Variants in MID1 observed in about 807,000 individuals in gnomAD.
MID1 encodes the protein E3 ubiquitin-protein ligase Midline-1.
In MID1, 7 loss-of-function variants were observed where a neutral mutation model predicts 40.4. The observed-to-expected ratio is 0.17, with a 90% confidence interval of 0.10 to 0.33. MID1 has a LOEUF of 0.33. Among genes scored for constraint, MID1 ranks in the 10% least tolerant of loss-of-function variants. MID1 has a pLI of 1.00. For missense variants in MID1, 367 were observed against 558.5 expected (o/e 0.66, Z 3.46); for synonymous variants, 229 against 221.2 (o/e 1.04, Z -0.31).
intron 1 of MID1, among the ~76,000 whole-genome samples, chrX:10,793,838 CTA>C (rs1205843241): frequency 8.9e-6 from 1 of 112,149 alleles, no homozygotes; most frequent in African/African-American, 3.2e-5. Flanking sequence ...CTGTCCTTGT[CTA>C]CTGTTCTAAA....
At chrX:10,805,050 T>TG (rs1555926063) in intron 1 of MID1, among the ~76,000 whole-genome samples, 8 of 110,576 alleles carry the variant, frequency 7.2e-5, no homozygotes, top group Non-Finnish European at 1.1e-4. Flanking sequence ...GTAGTTTTTT[T>TG]TTGTTGTTGT....
At chrX:10,713,204 C>T (rs2147090367) in intron 1 of MID1, among the ~76,000 whole-genome samples, 1 of 112,058 alleles carries the variant, frequency 8.9e-6, no homozygotes. Context: ...CCACGCCCGG[C>T]CTAGTTCACT....
chrX:10,465,133 G>A (rs896335670), intron 7 of MID1, among the ~76,000 whole-genome samples: 1 of 101,897 alleles, frequency 9.8e-6, no homozygotes, highest in African/African-American at 3.6e-5. Flanking sequence ...GTAGTGAGCC[G>A]AGATCATGAC....
intron 1 of MID1, among the ~76,000 whole-genome samples, chrX:10,728,943 T>C (rs759040586): frequency 8.9e-6 from 1 of 111,947 alleles, no homozygotes; most frequent in Non-Finnish European, 1.9e-5. Flanking sequence ...AATTCAGCAA[T>C]AACTGGGCTA....
chrX:10,819,076 T>C lies in MID1; in HGVS notation c.-187+14478A>G, dbSNP rs185351725. ...GCTGGGATGGGAAGCAACACATATA[T>C]ACATTGATTTTATTTTGGTTTATTT... On this transcript the variant is annotated intron_variant, in intron 1 of 10. Transcript: ENST00000380785. Among the ~76,000 whole-genome samples, 3 of 111,816 alleles carry C rather than the reference T, an allele frequency of 2.7e-5. No individual in the cohort carries two copies. In the East Asian group the frequency reaches 8.5e-4, roughly 32 times the overall value.
intron 1 of MID1, among the ~76,000 whole-genome samples, chrX:10,637,226 A>G (rs1365991068): frequency 9.0e-6 from 1 of 111,391 alleles, no homozygotes; most frequent in Non-Finnish European, 1.9e-5. Context: ...TCACCAAAAA[A>G]AACTTGAAGG....
At chrX:10,619,555 T>C (rs1935898292) in intron 1 of MID1, among the ~76,000 whole-genome samples, 1 of 112,837 alleles carries the variant, frequency 8.9e-6, no homozygotes, top group Admixed American at 9.3e-5. Flanking sequence ...TTTTCTTTCC[T>C]TTTCTTGCTT....
At chrX:10,594,198 G>A (rs964173758) in intron 1 of MID1, among the ~76,000 whole-genome samples, 6 of 111,857 alleles carry the variant, frequency 5.4e-5, no homozygotes, top group Non-Finnish European at 1.1e-4. Flanking sequence ...GCACAAATGT[G>A]TGAAGAACAT....
chrX:10,655,990 T>G (rs2042868761), intron 1 of MID1, among the ~76,000 whole-genome samples: 1 of 111,911 alleles, frequency 8.9e-6, no homozygotes, highest in Non-Finnish European at 1.9e-5. Context: ...TAGCTAAAGA[T>G]TATTGTTTTA....
At chrX:10,808,135 A>G (rs12014631) in intron 1 of MID1, among the ~76,000 whole-genome samples, 3,624 of 112,425 alleles carry the variant, frequency 0.032, 160 homozygotes, top group African/African-American at 0.11. Context: ...AAGATGAATA[A>G]GACCCATTTC....
At chrX:10,515,450 C>G (rs1026668134) in intron 3 of MID1, among the ~76,000 whole-genome samples, 1 of 112,305 alleles carries the variant, frequency 8.9e-6, no homozygotes, top group African/African-American at 3.2e-5. Flanking sequence ...TACATGACAA[C>G]TAGCACTGGA....
At chrX:10,503,302 G>A in intron 3 of MID1, among the ~76,000 whole-genome samples, 1 of 111,378 alleles carries the variant, frequency 9.0e-6, no homozygotes, top group Non-Finnish European at 1.9e-5. Context: ...AGGAACAGCA[G>A]ACAATATTAC....
intron 2 of MID1, among the ~76,000 whole-genome samples, chrX:10,560,970 T>A (rs1934314653): frequency 1.9e-5 from 2 of 106,424 alleles, no homozygotes; most frequent in African/African-American, 3.8e-5. Context: ...CTTCAAACTA[T>A]ACGAGGCTAC....
At chrX:10,600,590 T>C (rs1715118848) in intron 1 of MID1, among the ~76,000 whole-genome samples, 1 of 111,527 alleles carries the variant, frequency 9.0e-6, no homozygotes, top group African/African-American at 3.3e-5. Context: ...TATTTCCAAC[T>C]GTTTTCTTCC....
At chrX:10,597,419 T>C (rs1362377808) in intron 1 of MID1, among the ~76,000 whole-genome samples, 1 of 112,184 alleles carries the variant, frequency 8.9e-6, no homozygotes, top group Admixed American at 9.5e-5. Flanking sequence ...AAATAGACTA[T>C]ATAAGCTGAA....
chrX:10,785,391 C>G (rs1251189937), intron 1 of MID1, among the ~76,000 whole-genome samples: 4 of 110,941 alleles, frequency 3.6e-5, no homozygotes, highest in Non-Finnish European at 5.7e-5. Flanking sequence ...GTCATACTGC[C>G]CAAGGTAATT....
intron 8 of MID1, among the ~76,000 whole-genome samples, chrX:10,455,518 A>ACATACTGGCTGGATAG (rs1928608358): frequency 1.8e-5 from 2 of 111,609 alleles, no homozygotes; most frequent in Admixed American, 1.9e-4. Context: ...CAGCACAGGT[A>ACATACTGGCTGGATAG]CATACTGGCT....
chrX:10,706,310 T>G (rs1180401371), intron 1 of MID1, among the ~76,000 whole-genome samples: 6 of 111,108 alleles, frequency 5.4e-5, no homozygotes, highest in Non-Finnish European at 1.9e-5. Flanking sequence ...GGGTCTCTTG[T>G]AAAATACAGT....
intron 1 of MID1, among the ~76,000 whole-genome samples, chrX:10,825,668 G>A (rs949769460): frequency 1.4e-4 from 16 of 111,323 alleles, no homozygotes; most frequent in Non-Finnish European, 3.0e-4. Context: ...AGGGGAGGGG[G>A]TAAGGGGGTT....
Sources: gnomAD v4.1 joint callset for allele counts (sites outside exome capture counted in the v4.1 genomes callset) on GRCh38, gnomAD v4.1.1 for gene constraint, MANE v1.5 for transcripts, NCBI Gene and HGNC (gene_info 2026-07-23, HGNC 2026-07-21) for gene names.